RABEP2: variants seen among roughly 807,000 people sequenced by gnomAD.
RABEP2 encodes the protein rabaptin, RAB GTPase binding effector protein 2.
Under a neutral mutation model 74.1 loss-of-function variants are expected in RABEP2, and 57 were observed. The ratio of observed to expected loss-of-function variants is 0.77; its 90% CI spans 0.62 to 0.96. The LOEUF is 0.96. Ranked by LOEUF, RABEP2 falls within the 40% of genes least tolerant of loss-of-function variation. RABEP2 has a pLI of 0.00. For synonymous variants in RABEP2, 351 were observed against 344.0 expected (o/e 1.02, Z -0.23); for missense variants, 692 against 756.3 (o/e 0.91, Z 1.00).
At chr16:28,909,018 T>C (rs368943578) in intron 7 of RABEP2, among the ~76,000 whole-genome samples, 1 of 112,522 alleles carries the variant, frequency 8.9e-6, no homozygotes, top group African/African-American at 3.7e-5. Flanking sequence ...TATATATATA[T>C]ATATACACAT....
chr16:28,908,573 G>A, intron 8 of RABEP2, 36 bp downstream of exon 8: 1 of 1,561,410 alleles, frequency 6.4e-7, no homozygotes, highest in Non-Finnish European at 8.7e-7. Flanking sequence ...GGCCCTCACG[G>A]TGGCTCCAGG....
At chr16:28,911,628 CGTGA>C (rs1163610269) in intron 5 of RABEP2, among the ~76,000 whole-genome samples, 4 of 144,508 alleles carry the variant, frequency 2.8e-5, no homozygotes, top group Non-Finnish European at 6.0e-5. Context: ...CAGAGGTTGC[CGTGA>C]GTGAGATTCC....
At chr16:28,906,764 C>CAAACAG (rs1194944683) in intron 8 of RABEP2, among the ~76,000 whole-genome samples, 1 of 151,862 alleles carries the variant, frequency 6.6e-6, no homozygotes, top group Non-Finnish European at 1.5e-5. Flanking sequence ...GACTCCATCT[C>CAAACAG]AAACAGAAAC....
In RABEP2 at chr16:28,919,915, G is replaced by C. The variant is rs758465810; in HGVS notation, c.303C>G (p.Ile101Met). 2.6e-6 allele frequency: 4 copies of C among 1,515,994 alleles called. No homozygotes were observed. The Admixed American group carries it at 7.0e-5, about 27-fold the overall frequency. 93.9% of individuals were successfully genotyped at this position (1,515,994 alleles called of 1,614,324 possible). A position where few individuals can be genotyped will look rare whatever the true frequency, so the allele number is the denominator to read the frequency against. ...GCTGTCGCTCCTGCTTCAGGGCGGT[G>C]ATCTGGGCTTCATAGCTGCTGATGG... ...KDSISSYEAQ[I>M]TALKQERQQQ... Residue 101 changes from isoleucine (I) to methionine (M), a missense_variant, in exon 3 of 13, where the codon ATC becomes ATG. Transcript: ENST00000358201.
chr16:28,909,908 A>G (rs1964287773), intron 7 of RABEP2, among the ~76,000 whole-genome samples: 1 of 151,464 alleles, frequency 6.6e-6, no homozygotes, highest in South Asian at 2.1e-4. Context: ...AGGCACCTGT[A>G]GTCTCAGCTA....
intron 11 of RABEP2, 62 bp from the exon 12 acceptor site, chr16:28,905,575 C>T: frequency 6.4e-7 from 1 of 1,565,486 alleles, no homozygotes; most frequent in Non-Finnish European, 8.7e-7. Context: ...TGGGAGGGTG[C>T]ATGGCCAGCC....
At position 28,908,779 on chromosome 16, in the gene RABEP2, T is replaced by A. The variant is rs138183926; in HGVS notation, c.1090-15A>T. 247 of 1,613,058 alleles carry A rather than the reference T, an allele frequency of 1.5e-4. No individual in the cohort carries two copies. The African/African-American group carries it at 2.7e-3, about 18-fold the overall frequency. ...ACCAGCTCCGCCTATGGACAGACAG[T>A]TAGTATAAGGCAATGAAGAGGACAG... On this transcript the variant is annotated splice_polypyrimidine_tract_variant and intron_variant, in intron 7 of 12. Coordinates refer to ENST00000358201, the MANE Select transcript of RABEP2 (RefSeq NM_024816.3).
chr16:28,911,225 C>A (rs1964309425), intron 5 of RABEP2, 46 bp from the exon 6 acceptor site: 1 of 1,573,462 alleles, frequency 6.4e-7, no homozygotes, highest in Non-Finnish European at 8.6e-7. Flanking sequence ...GGAACTTGGC[C>A]CCCCTCACCA....
intron 7 of RABEP2, chr16:28,910,590 CCTCATGACT>C (rs1263716607): frequency 6.4e-6 from 2 of 311,800 alleles, no homozygotes; most frequent in Non-Finnish European, 1.2e-5. Flanking sequence ...TGATTTTAAT[CCTCATGACT>C]CTGCAAACTA....
chr16:28,924,486 C>G lies in RABEP2; in HGVS notation c.191G>C (p.Ser64Thr), dbSNP rs1433018997. The G allele has an allele frequency of 1.2e-6, 2 of 1,614,092 alleles. No individual in the cohort carries two copies. Among genetic ancestry groups the G allele is most frequent in the Admixed American group, 1.7e-5 (1 of 60,024 alleles). ...METMKAVAEV[S>T]ESTKAEAVAA... ...CACAGCCTCGGCCTTCGTGCTCTCG[C>G]TCACCTCTGCCACAGCCTTCATGGT... Residue 64 changes from serine (S) to threonine (T), a missense_variant, in exon 2 of 13, where the codon AGC becomes ACC. Physicochemically the swap from Ser to Thr is moderately conservative, Grantham distance 58. Transcript: ENST00000358201.
At chr16:28,920,539 C>T (rs1401937636) in intron 2 of RABEP2, among the ~76,000 whole-genome samples, 1 of 151,936 alleles carries the variant, frequency 6.6e-6, no homozygotes, top group East Asian at 1.9e-4. Flanking sequence ...GCGCCCACCA[C>T]CACCCCTGGC....
intron 8 of RABEP2, among the ~76,000 whole-genome samples, chr16:28,907,429 A>C (rs1964251196): frequency 6.6e-6 from 1 of 151,948 alleles, no homozygotes; most frequent in Non-Finnish European, 1.5e-5. Flanking sequence ...AGTAGCTGGG[A>C]CTATAGGCGC....
At chr16:28,923,811 A>T (rs1469088700) in intron 2 of RABEP2, among the ~76,000 whole-genome samples, 1 of 152,236 alleles carries the variant, frequency 6.6e-6, no homozygotes, top group African/African-American at 2.4e-5. Flanking sequence ...GCCCCACCGC[A>T]GCAGGGGCAT....
intron 3 of RABEP2, among the ~76,000 whole-genome samples, chr16:28,916,709 A>C (rs1964399416): frequency 7.0e-6 from 1 of 143,838 alleles, no homozygotes; most frequent in Non-Finnish European, 1.5e-5. Context: ...TTTCTGGCCA[A>C]GTGCAGTGGC....
intron 3 of RABEP2, chr16:28,916,401 GTGGTTCA>G (rs1183446069): frequency 6.6e-6 from 1 of 152,238 alleles, no homozygotes; most frequent in Non-Finnish European, 1.5e-5. Context: ...GCTGGGTGCA[GTGGTTCA>G]TGCCTGTAAT....
chr16:28,913,395 T>G (rs1236851023), intron 5 of RABEP2, among the ~76,000 whole-genome samples: 1 of 152,242 alleles, frequency 6.6e-6, no homozygotes, highest in Non-Finnish European at 1.5e-5. Flanking sequence ...ATGTGCATTT[T>G]TTTTTAAAGC....
In RABEP2 at chr16:28,904,688, C is replaced by A; in HGVS notation, c.*255G>T. 1.5e-6 allele frequency: 1 copy of A among 656,314 alleles called. No individual in the cohort carries two copies. Among genetic ancestry groups the A allele is most frequent in the Non-Finnish European group, 2.5e-6 (1 of 405,014 alleles). The allele number at this position is 656,314 out of a possible 1,614,324, so 40.7% of individuals were successfully genotyped here. A position where few individuals can be genotyped will look rare whatever the true frequency, so the allele number is the denominator to read the frequency against. On this transcript the variant is annotated 3_prime_UTR_variant, in exon 13 of 13. Transcript: ENST00000358201. ...GGAGGCAGCACAGCAGCCAGAAAGC[C>A]GCAGGCCTGAGCCTGCACCTTTGGT...
intron 2 of RABEP2, among the ~76,000 whole-genome samples, chr16:28,920,214 A>AAAAAT (rs906097175): frequency 1.3e-5 from 2 of 152,076 alleles, no homozygotes; most frequent in Non-Finnish European, 2.9e-5. Context: ...TAGTGTACAA[A>AAAAAT]AAAATAAAAT....
chr16:28,915,825 C>T (rs1214712318), intron 3 of RABEP2, among the ~76,000 whole-genome samples: 10 of 151,842 alleles, frequency 6.6e-5, no homozygotes, highest in Admixed American at 5.9e-4. Context: ...TGTGAGCCAC[C>T]GTGCCTGGCC....
Sources: allele counts gnomAD v4.1 joint callset (sites outside exome capture counted in the v4.1 genomes callset), GRCh38; gene constraint gnomAD v4.1.1; transcripts MANE v1.5; gene names NCBI Gene and HGNC (gene_info 2026-07-23, HGNC 2026-07-21).